ZNF749: variants seen among roughly 807,000 people sequenced by gnomAD.
ZNF749 encodes the protein zinc finger protein 749.
In ZNF749, 8 loss-of-function variants were observed where a neutral mutation model predicts 7.3. The ratio of observed to expected loss-of-function variants is 1.10; its 90% CI spans 0.64 to 1.98. The LOEUF (loss-of-function observed/expected upper bound fraction) is 1.98, where lower values mean the gene tolerates loss of function less well. Ranked by LOEUF, ZNF749 falls within the 30% of genes most tolerant of loss-of-function variation. The pLI, the probability that ZNF749 is intolerant of heterozygous loss-of-function variation, is 0.00. For missense variants in ZNF749, 898 were observed against 932.4 expected (o/e 0.96, Z 0.48); for synonymous variants, 310 against 322.4 (o/e 0.96, Z 0.41).
rs1360951783 is a variant in ZNF749, at chr19:57,438,102, G to A, written c.15+2509G>A. ...CATGGCTTGCTTCTTCCTGTTACAG[G>A]CCGAAAGAATGAGGGTCGTGATCAA... is the stretch of plus-strand genomic sequence containing the variant. On this transcript the variant is annotated intron_variant, in intron 1 of 2. Coordinates refer to ENST00000334181, the MANE Select transcript of ZNF749 (RefSeq NM_001023561.4). 46 of 398,850 alleles carry A rather than the reference G, an allele frequency of 1.2e-4. No homozygotes were observed. The East Asian group carries it at 1.6e-3, about 14-fold the overall frequency. 24.7% of individuals were successfully genotyped at this position (398,850 alleles called of 1,614,324 possible).
upstream of ZNF749, among the ~76,000 whole-genome samples, chr19:57,432,277 A>G (rs1305978887): frequency 6.6e-6 from 1 of 151,504 alleles, no homozygotes; most frequent in African/African-American, 2.4e-5. Flanking sequence ...ACGGGAGCCA[A>G]TTAAAAAAAA....
Position 57,446,867 on chromosome 19 carries a change from T to C in ZNF749, c.*1382T>C, listed in dbSNP as rs1022913298. ...ATAAGTAAATGTGTATCTAAACATA[T>C]CTAAGTTTCCAAAAGGTACTGTAAA... On this transcript the variant is annotated 3_prime_UTR_variant, in exon 3 of 3. Transcript: ENST00000334181. 1.3e-5 allele frequency among the ~76,000 whole-genome samples: 2 copies of C among 152,196 alleles called. No individual in the cohort carries two copies. The highest frequency in any genetic ancestry group is 4.8e-5 in the African/African-American group (2 of 41,454).
Position 57,443,595 on chromosome 19 carries a change from G to C in ZNF749, c.447G>C (p.Glu149Asp). 6.2e-7 allele frequency: 1 copy of C among 1,614,240 alleles called. No individual in the cohort carries two copies. The highest frequency in any genetic ancestry group is 8.5e-7 in the Non-Finnish European group (1 of 1,180,042). The change falls in exon 3 of 3, where the codon GAG (glutamate) becomes GAC (aspartate). Residue 149 changes from glutamate to aspartate, a missense_variant. By Grantham distance (45) the Glu-to-Asp change is conservative. Coordinates refer to ENST00000334181, the MANE Select transcript of ZNF749 (RefSeq NM_001023561.4). ...TGAACCACAGTGCTCACGTGGGAGAGAGGAACTTCACATGCACGCAGGGTG... is the reference window on the plus strand; with the variant it reads ...TGAACCACAGTGCTCACGTGGGAGACAGGAACTTCACATGCACGCAGGGTG... The part of the protein sequence containing the change: ...SFVNHSAHVG[E>D]RNFTCTQGGK...
chr19:57,433,098 T>C (rs1462721706), upstream of ZNF749, among the ~76,000 whole-genome samples: 1 of 146,620 alleles, frequency 6.8e-6, no homozygotes, highest in Admixed American at 7.0e-5. Flanking sequence ...GACTGGAGGC[T>C]ATAGTCTTGA....
Position 57,443,958 on chromosome 19 carries a change from C to T in ZNF749, c.810C>T (p.His270=). 6.2e-7 allele frequency: 1 copy of T among 1,613,842 alleles called. No homozygotes were observed. Among genetic ancestry groups the T allele is most frequent in the South Asian group, 1.1e-5 (1 of 91,060 alleles). The change falls in exon 3 of 3, where the codon CAC becomes CAT. Residue 270 remains histidine, a synonymous_variant. Transcript: ENST00000334181. ...TTAGAAAGTCCAACCTAGTTCAGCACCAGAAAATTCACAGTGAAGGCTTTC... is the reference window on the plus strand; with the variant it reads ...TTAGAAAGTCCAACCTAGTTCAGCATCAGAAAATTCACAGTGAAGGCTTTC... ...TFIRKSNLVQ[H]QKIHSEGFLS... is the part of the protein sequence containing the mutation.
intron 1 of ZNF749, among the ~76,000 whole-genome samples, chr19:57,438,652 T>C (rs2088958472): frequency 6.6e-6 from 1 of 152,102 alleles, no homozygotes; most frequent in African/African-American, 2.4e-5. Flanking sequence ...AGTCAAGGAT[T>C]TCTCAGGCTC....
intron 1 of ZNF749, 42 bp from the exon 2 acceptor site, chr19:57,441,843 A>C (rs1262687615): frequency 6.2e-7 from 1 of 1,612,162 alleles, no homozygotes; most frequent in African/African-American, 1.3e-5. Context: ...GAAACACAGA[A>C]TAAGAAGTTG....
chr19:57,435,691 G>A, intron 1 of ZNF749, 98 bp downstream of exon 1: 1 of 1,517,442 alleles, frequency 6.6e-7, no homozygotes, highest in Non-Finnish European at 8.9e-7. Flanking sequence ...GTCTCTAAGA[G>A]AGGGGCGTTC....
upstream of ZNF749, among the ~76,000 whole-genome samples, chr19:57,434,080 T>G (rs1458722378): frequency 1.3e-5 from 2 of 152,116 alleles, no homozygotes; most frequent in African/African-American, 2.4e-5. Flanking sequence ...TGATATAACC[T>G]TGGTCTTCAC....
At position 57,435,447 on chromosome 19, in the gene ZNF749, G is replaced by T; in HGVS notation, c.-132G>T. 3 of 1,345,552 alleles carry T rather than the reference G, an allele frequency of 2.2e-6. No homozygotes were observed. Among genetic ancestry groups the T allele is most frequent in the Non-Finnish European group, 3.1e-6 (3 of 971,792 alleles). 83.4% of individuals were successfully genotyped at this position (1,345,552 alleles called of 1,614,324 possible). A position where few individuals can be genotyped will look rare whatever the true frequency, so the allele number is the denominator to read the frequency against. On this transcript the variant is annotated 5_prime_UTR_variant, in exon 1 of 3. Transcript: ENST00000334181. ...AAAGAGCGGAAAAACGCGAGAAGCG[G>T]TGTTCCTTCTACACAGAGGCTAGAG... is the stretch of plus-strand genomic sequence containing the variant.
chr19:57,441,703 A>G (rs2088991395), intron 1 of ZNF749, among the ~76,000 whole-genome samples, 182 bp from the exon 2 acceptor site: 1 of 152,170 alleles, frequency 6.6e-6, no homozygotes, highest in African/African-American at 2.4e-5. Flanking sequence ...GGACAGGAGA[A>G]ATAATCATGT....
Position 57,443,620 on chromosome 19 carries a change from G to A in ZNF749, c.472G>A (p.Gly158Ser). Residue 158 changes from glycine to serine, a missense_variant, in exon 3 of 3, where the codon GGC (glycine) becomes AGC (serine). Transcript: ENST00000334181. ...GERNFTCTQG[G>S]KDFTASSDLL... ...GAGGAACTTCACATGCACGCAGGGT[G>A]GCAAGGATTTTACTGCCAGCTCAGA... 6.2e-7 allele frequency: 1 copy of A among 1,614,224 alleles called. No individual in the cohort carries two copies. Among genetic ancestry groups the A allele is most frequent in the Non-Finnish European group, 8.5e-7 (1 of 1,180,032 alleles).
At chr19:57,433,153 T>TGA (rs2088907669), upstream of ZNF749, among the ~76,000 whole-genome samples, 5 of 135,642 alleles carry the variant, frequency 3.7e-5, no homozygotes, top group African/African-American at 1.4e-4. Flanking sequence ...TGTGTGTGTG[T>TGA]GAAGGGGTTA....
In ZNF749 at chr19:57,439,027, A is replaced by G. The variant is rs1393222463; in HGVS notation, c.16-2858A>G. Among the ~76,000 whole-genome samples the G allele has an allele frequency of 2.0e-5, 3 of 152,104 alleles. No homozygotes were observed. The highest frequency in any genetic ancestry group is 4.4e-5 in the Non-Finnish European group (3 of 68,008). ...CGGGATCGGCATGGAATGGCAGTCTAAGGTTCTGGGCCTTTCATCTGAGGG... is the reference window on the plus strand; with the variant it reads ...CGGGATCGGCATGGAATGGCAGTCTGAGGTTCTGGGCCTTTCATCTGAGGG... On this transcript the variant is annotated intron_variant, in intron 1 of 2. Transcript: ENST00000334181. This position sits in a 1 kb window ranked among gnomAD's most constrained non-coding sequence, Gnocchi z 4.3.
upstream of ZNF749, among the ~76,000 whole-genome samples, chr19:57,433,810 C>T (rs1408411407): frequency 2.6e-5 from 4 of 152,006 alleles, no homozygotes; most frequent in Admixed American, 2.6e-4. Context: ...GCATGGTTTT[C>T]AGGTAGTATT....
Position 57,444,425 on chromosome 19 carries a change from TTCA to T in ZNF749, c.1278_1280del (p.Gln427del), listed in dbSNP as rs1363037494. 1 of 1,614,040 alleles carries T rather than the reference TTCA, an allele frequency of 6.2e-7. No homozygotes were observed. The highest frequency in any genetic ancestry group is 8.5e-7 in the Non-Finnish European group (1 of 1,179,912). On this transcript the variant is annotated inframe_deletion, in exon 3 of 3. Coordinates refer to ENST00000334181, the MANE Select transcript of ZNF749 (RefSeq NM_001023561.4). ...GCCTTTAGCCTCAAACATAATGTTGTTCAGCATCTGAAAATTCATACTGGAGAA... is the reference window on the plus strand; with the variant it reads ...GCCTTTAGCCTCAAACATAATGTTGTGCATCTGAAAATTCATACTGGAGAA...
rs371680702 is a variant in ZNF749 at position 57,445,417 on chromosome 19, A to G, written c.2269A>G (p.Ser757Gly). The change falls in exon 3 of 3, where the codon AGC becomes GGC. Residue 757 changes from serine (S) to glycine (G), a missense_variant. Transcript: ENST00000334181. ...AAGGTCTTATGAGTGTGGTGAATCC[A>G]GCAAAGTGTTTAAATACAACTCCAG... ...GERSYECGES[S>G]KVFKYNSSLI... The G allele has an allele frequency of 3.1e-6, 5 of 1,614,024 alleles. No homozygotes were observed. Among genetic ancestry groups the G allele is most frequent in the Non-Finnish European group, 4.2e-6 (5 of 1,179,884 alleles).
Position 57,446,228 on chromosome 19 carries a change from C to G in ZNF749, c.*743C>G, listed in dbSNP as rs1600108327. On this transcript the variant is annotated 3_prime_UTR_variant, in exon 3 of 3. Transcript: ENST00000334181. ...TTAGATTCTCATAGCAGCCTGAGCC[C>G]TATTGTGAACTGTGCCTGTGAGGGA... is the stretch of plus-strand genomic sequence containing the variant. Among the ~76,000 whole-genome samples the G allele has an allele frequency of 2.0e-5, 3 of 152,264 alleles. No homozygotes were observed. The South Asian group carries it at 6.2e-4, about 32-fold the overall frequency.
chr19:57,428,972 A>T, the ZNF749 span, among the ~76,000 whole-genome samples: 15 of 152,320 alleles, frequency 9.8e-5, no homozygotes, highest in East Asian at 2.9e-3. Flanking sequence ...CTAAGGCTGA[A>T]TAATATTCCA....
Sources: gnomAD v4.1 joint callset for allele counts (sites outside exome capture counted in the v4.1 genomes callset) on GRCh38, gnomAD v4.1.1 for gene constraint, Gnocchi (gnomAD v3.1) non-coding constraint, MANE v1.5 for transcripts, NCBI Gene and HGNC (gene_info 2026-07-23, HGNC 2026-07-21) for gene names.